TBX10: variants seen among roughly 807,000 people sequenced by gnomAD.
TBX10 encodes T-box transcription factor TBX10.
Under a neutral mutation model 32.4 loss-of-function variants are expected in TBX10, and 26 were observed. That is an observed-to-expected ratio of 0.80 (90% CI 0.59 to 1.11). TBX10 has a LOEUF of 1.11. TBX10 is among the 50% of genes most tolerant of loss of function. The probability of loss-of-function intolerance (pLI) is 0.00; values close to 1 mark genes in which losing one functional copy is unlikely to be tolerated. For synonymous variants in TBX10, 195 were observed against 203.1 expected, an observed-to-expected ratio of 0.96 and a Z score of 0.34; for missense variants, 490 against 494.5, an observed-to-expected ratio of 0.99 and a Z score of 0.09.
rs765281303 is a variant in TBX10, at chr11:67,631,869, G to A, written c.894C>T (p.Thr298=). ...GATGGAGCCAAGCAGGGGTCTTGGA[G>A]GTGGAAGCTGAAGCTTTGTTGGGGT... is the stretch of plus-strand genomic sequence containing the variant. ...EKDPNKASAS[T]SKTPAWLHHQ... is the part of the protein sequence containing the mutation. The change falls in exon 8 of 8, where the codon ACC becomes ACT. Residue 298 remains threonine, a synonymous_variant. Transcript: ENST00000335385. 16 of 1,575,044 alleles carry A rather than the reference G, an allele frequency of 1.0e-5. No homozygotes were observed. Among genetic ancestry groups the A allele is most frequent in the Middle Eastern group, 1.7e-4 (1 of 5,964 alleles).
chr11:67,634,734 C>T lies in TBX10; in HGVS notation c.377+82G>A, dbSNP rs577315922. ...TGGCATTGTTTGGACAGGCCCCTGC[C>T]TCACCTTGGGGTGCAGGAAGGGTCT... On this transcript the variant is annotated intron_variant, in intron 3 of 7. Coordinates refer to ENST00000335385, the MANE Select transcript of TBX10 (RefSeq NM_005995.5). 5.9e-5 allele frequency: 87 copies of T among 1,464,712 alleles called. 2 individuals carry two copies. In the South Asian group the frequency reaches 9.8e-4, roughly 16 times the overall value. The allele number at this position is 1,464,712 out of a possible 1,614,324, so 90.7% of individuals were successfully genotyped here.
At chr11:67,633,921 G>T (rs1193387819) in intron 4 of TBX10, among the ~76,000 whole-genome samples, 1 of 152,200 alleles carries the variant, frequency 6.6e-6, no homozygotes, top group Non-Finnish European at 1.5e-5. Flanking sequence ...CCCGGCCTAG[G>T]CTGGGCGTTC....
chr11:67,634,125 A>G, intron 4 of TBX10, 64 bp downstream of exon 4: 1 of 1,599,646 alleles, frequency 6.3e-7, no homozygotes, highest in Non-Finnish European at 8.5e-7. Context: ...AGGCCATTGG[A>G]CACCAAAGTC....
At chr11:67,633,146 AC>A (rs1471799083) in intron 4 of TBX10, 43 bp from the exon 5 acceptor site, 1 of 1,595,712 alleles carries the variant, frequency 6.3e-7, no homozygotes, top group Admixed American at 1.7e-5. Flanking sequence ...GAGGCGGAGT[AC>A]AGCGGACTCC....
Position 67,634,818 on chromosome 11 carries a change from G to C in TBX10, c.375C>G (p.Tyr125Ter). 1.2e-6 allele frequency: 2 copies of C among 1,613,396 alleles called. No individual in the cohort carries two copies. Among genetic ancestry groups the C allele is most frequent in the Non-Finnish European group, 1.7e-6 (2 of 1,179,982 alleles). ...MDFIPLDDKRYRYAFHSSAWL... is the reference protein window; with the variant it reads ...MDFIPLDDKR ...TTGCCCCAGGCCGGTCCCCGCACCT[G>C]TATCTCTTGTCGTCCAGGGGGATGA... is the stretch of plus-strand genomic sequence containing the variant. The change falls in exon 3 of 8, where the codon TAC becomes TAG. Residue 125 changes from tyrosine to a stop codon, truncating the protein, a stop_gained and splice_region_variant. Transcript: ENST00000335385. LOFTEE classifies it high-confidence loss of function.
At position 67,632,039 on chromosome 11, in the gene TBX10, C is replaced by G. The variant is rs1259115888; in HGVS notation, c.869-145G>C. 15 of 1,228,552 alleles carry G rather than the reference C, an allele frequency of 1.2e-5. No individual in the cohort carries two copies. The Admixed American group carries it at 2.3e-4, about 19-fold the overall frequency. The allele number at this position is 1,228,552 out of a possible 1,614,324, so 76.1% of individuals were successfully genotyped here. A position where few individuals can be genotyped will look rare whatever the true frequency, so the allele number is the denominator to read the frequency against. ...TTGCTTTTCCCTCTGCCTGGAATTT[C>G]TTCTTCACCTTCTCCCTCTGTCCAA... On this transcript the variant is annotated intron_variant, in intron 7 of 7. Coordinates refer to ENST00000335385, the MANE Select transcript of TBX10 (RefSeq NM_005995.5).
chr11:67,636,913 A>C (rs1855340187), intron 1 of TBX10, among the ~76,000 whole-genome samples: 1 of 152,264 alleles, frequency 6.6e-6, no homozygotes, highest in South Asian at 2.1e-4. Flanking sequence ...TATTCACAAT[A>C]GCTGAGAAGT....
chr11:67,632,568 G>T, intron 6 of TBX10, 35 bp downstream of exon 6: 1 of 1,608,964 alleles, frequency 6.2e-7, no homozygotes, highest in Non-Finnish European at 8.5e-7. Context: ...TGCCTGGGGT[G>T]GGGGTGAGGG....
chr11:67,637,828 A>G (rs1163730142), intron 1 of TBX10, among the ~76,000 whole-genome samples: 1 of 152,202 alleles, frequency 6.6e-6, no homozygotes, highest in Non-Finnish European at 1.5e-5. Context: ...TTCTAATTAG[A>G]TGGCAGGAAA....
In TBX10 at chr11:67,636,399, CT is replaced by C. The variant is rs1855328952; in HGVS notation, c.8-1137del. Among the ~76,000 whole-genome samples, 3 of 151,556 alleles carry C rather than the reference CT, an allele frequency of 2.0e-5. No individual in the cohort carries two copies. In the South Asian group the frequency reaches 6.3e-4, roughly 32 times the overall value. ...TGCCTGGCCTCAAGAAATTGGAACT[CT>C]TGTGCACTGCTGGTGGGAATGTAAA... On this transcript the variant is annotated intron_variant, in intron 1 of 7. Coordinates refer to ENST00000335385, the MANE Select transcript of TBX10 (RefSeq NM_005995.5).
Position 67,635,392 on chromosome 11 carries a change from C to T in TBX10, c.8-129G>A, listed in dbSNP as rs1394409871. 4 of 1,321,110 alleles carry T rather than the reference C, an allele frequency of 3.0e-6. 1 individual carries two copies. The Admixed American group carries it at 7.9e-5, about 26-fold the overall frequency. 81.8% of individuals were successfully genotyped at this position (1,321,110 alleles called of 1,614,324 possible). Reference sequence around the variant, plus strand: ...TGCCAGGGCTGTGTTCTCACAGGATCCCCCACTCAGCATCACTCTGTGAGG... The same window carrying T: ...TGCCAGGGCTGTGTTCTCACAGGATTCCCCACTCAGCATCACTCTGTGAGG... On this transcript the variant is annotated intron_variant, in intron 1 of 7. Transcript: ENST00000335385.
At chr11:67,638,495 G>A (rs1419586457) in intron 1 of TBX10, among the ~76,000 whole-genome samples, 1 of 152,152 alleles carries the variant, frequency 6.6e-6, no homozygotes, top group African/African-American at 2.4e-5. Context: ...CTGGAGCAGA[G>A]GGGGGTGCTG....
In TBX10 at chr11:67,631,665, A is replaced by C. The variant is rs1232250538; in HGVS notation, c.1098T>G (p.Ala366=). 1 of 1,607,540 alleles carries C rather than the reference A, an allele frequency of 6.2e-7. No individual in the cohort carries two copies. The highest frequency in any genetic ancestry group is 1.7e-5 in the Admixed American group (1 of 59,368). Residue 366 remains alanine, a synonymous_variant, in exon 8 of 8, where the codon GCT becomes GCG. Coordinates refer to ENST00000335385, the MANE Select transcript of TBX10 (RefSeq NM_005995.5). The part of the protein sequence containing the change: ...DRDQGGLPLP[A]GLGLLSPTVV... ...CAGTGGGGGACAGGAGCCCCAGCCC[A>C]GCTGGGAGAGGCAGGCCTCCTTGAT...
In TBX10 at chr11:67,632,611, C is replaced by T. The variant is rs1163474702; in HGVS notation, c.765G>A (p.Leu255=). ...PFAKGFRESD[L]DSWPVAPRPL... Reference sequence around the variant, plus strand: ...TCAGGGTCAGACAGTACCAGGAGTCCAGGTCACTCTCTCTAAAGCCTTTGG... The same window carrying T: ...TCAGGGTCAGACAGTACCAGGAGTCTAGGTCACTCTCTCTAAAGCCTTTGG... Residue 255 remains leucine, a synonymous_variant, in exon 6 of 8, where the codon CTG becomes CTA. Transcript: ENST00000335385. The T allele has an allele frequency of 6.2e-7, 1 of 1,613,892 alleles. No homozygotes were observed. The highest frequency in any genetic ancestry group is 8.5e-7 in the Non-Finnish European group (1 of 1,180,024).
rs1855226863 is a variant in TBX10 at position 67,631,353 on chromosome 11, T to G, written c.*252A>C. ...GGGAAGGGAGAGGTAAGGCAGGGTT[T>G]TCGGGAGTTACCCCCAAAGCAAGAG... is the stretch of plus-strand genomic sequence containing the variant. On this transcript the variant is annotated 3_prime_UTR_variant, in exon 8 of 8. Transcript: ENST00000335385. 1 of 564,448 alleles carries G rather than the reference T, an allele frequency of 1.8e-6. No individual in the cohort carries two copies. The highest frequency in any genetic ancestry group is 1.9e-5 in the African/African-American group (1 of 53,144). The allele number at this position is 564,448 out of a possible 1,614,324, so 35.0% of individuals were successfully genotyped here.
upstream of TBX10, among the ~76,000 whole-genome samples, chr11:67,641,245 C>A (rs532789151): frequency 6.6e-6 from 1 of 151,610 alleles, no homozygotes. Flanking sequence ...TGTGTGTGTG[C>A]GATTTTGATC....
rs1855226525 is a variant in TBX10 at position 67,631,347 on chromosome 11, A to C, written c.*258T>G. Reference sequence around the variant, plus strand: ...GTTAGGGGGAAGGGAGAGGTAAGGCAGGGTTTTCGGGAGTTACCCCCAAAG... The same window carrying C: ...GTTAGGGGGAAGGGAGAGGTAAGGCCGGGTTTTCGGGAGTTACCCCCAAAG... On this transcript the variant is annotated 3_prime_UTR_variant, in exon 8 of 8. Coordinates refer to ENST00000335385, the MANE Select transcript of TBX10 (RefSeq NM_005995.5). 1.8e-6 allele frequency: 1 copy of C among 554,272 alleles called. No individual in the cohort carries two copies. The highest frequency in any genetic ancestry group is 3.2e-6 in the Non-Finnish European group (1 of 308,174). 34.3% of individuals were successfully genotyped at this position (554,272 alleles called of 1,614,324 possible). A position where few individuals can be genotyped will look rare whatever the true frequency, so the allele number is the denominator to read the frequency against.
Position 67,631,826 on chromosome 11 carries a change from G to A in TBX10, c.937C>T (p.Pro313Ser). 4 of 1,585,548 alleles carry A rather than the reference G, an allele frequency of 2.5e-6. No individual in the cohort carries two copies. The highest frequency in any genetic ancestry group is 3.4e-6 in the Non-Finnish European group (4 of 1,166,368). Residue 313 changes from proline to serine, a missense_variant, in exon 8 of 8, where the codon CCT becomes TCT. Pro to Ser is a moderately conservative substitution (Grantham distance 74). Coordinates refer to ENST00000335385, the MANE Select transcript of TBX10 (RefSeq NM_005995.5). ...AWLHHQLLPP[P>S]EVLLAPATYR... ...GTGGCCGGGGCCAGCAGGACCTCAG[G>A]TGGGGGCAGCAGCTGATGATGGAGC...
In TBX10 at chr11:67,631,863, C is replaced by G. The variant is rs757697215; in HGVS notation, c.900G>C (p.Lys300Asn). The G allele has an allele frequency of 1.9e-6, 3 of 1,576,990 alleles. No homozygotes were observed. In the African/African-American group the frequency reaches 4.0e-5, roughly 21 times the overall value. ...DPNKASASTSKTPAWLHHQLL... is the reference protein window; with the variant it reads ...DPNKASASTSNTPAWLHHQLL... Reference sequence around the variant, plus strand: ...GCTGATGATGGAGCCAAGCAGGGGTCTTGGAGGTGGAAGCTGAAGCTTTGT... The same window carrying G: ...GCTGATGATGGAGCCAAGCAGGGGTGTTGGAGGTGGAAGCTGAAGCTTTGT... The change falls in exon 8 of 8, where the codon AAG becomes AAC. Residue 300 changes from lysine (K) to asparagine (N), a missense_variant. Transcript: ENST00000335385.
Sources: gnomAD v4.1 joint callset for allele counts (sites outside exome capture counted in the v4.1 genomes callset) on GRCh38, gnomAD v4.1.1 for gene constraint, MANE v1.5 for transcripts, NCBI Gene and HGNC (gene_info 2026-07-23, HGNC 2026-07-21) for gene names.